The following AUTS2 variants were observed in gnomAD, a reference collection of about 807,000 sequenced individuals.
AUTS2 encodes the protein autism susceptibility gene 2 protein.
In AUTS2, 17 loss-of-function variants were observed where a neutral mutation model predicts 112.4. The observed-to-expected ratio is 0.15, with a 90% CI of 0.10 to 0.23. AUTS2 has a LOEUF of 0.23. Ranked by LOEUF, AUTS2 falls within the 10% of genes least tolerant of loss-of-function variation. The pLI is 1.00. For missense variants in AUTS2, 1,510 were observed against 1,701.6 expected (o/e 0.89, Z 1.98); for synonymous variants, 751 against 702.7 (o/e 1.07, Z -1.09).
intron 5 of AUTS2, among the ~76,000 whole-genome samples, chr7:70,499,417 C>G (rs1367475087): frequency 6.6e-6 from 1 of 152,174 alleles, no homozygotes; most frequent in African/African-American, 2.4e-5. Context: ...AGAGTGCAGT[C>G]CTCCAGGATG....
At chr7:69,997,590 C>CT (rs1799003796) in intron 2 of AUTS2, among the ~76,000 whole-genome samples, 1 of 152,080 alleles carries the variant, frequency 6.6e-6, no homozygotes, top group African/African-American at 2.4e-5. Flanking sequence ...TCGTGAAGGC[C>CT]TCAGGAAGTG....
chr7:70,558,563 T>C (rs544968218), intron 5 of AUTS2, among the ~76,000 whole-genome samples: 1 of 152,272 alleles, frequency 6.6e-6, no homozygotes, highest in African/African-American at 2.4e-5. Context: ...TGTGGGAAAC[T>C]TGTATGGAAG....
At chr7:70,117,104 GTTTT>G (rs61076536) in intron 2 of AUTS2, among the ~76,000 whole-genome samples, 4 of 78,460 alleles carry the variant, frequency 5.1e-5, no homozygotes, top group Non-Finnish European at 8.1e-5. Context: ...GATGACTTTT[GTTTT>G]TTTTTTTTGT....
intron 1 of AUTS2, among the ~76,000 whole-genome samples, chr7:69,634,188 C>G (rs2851492): frequency 6.6e-6 from 1 of 150,606 alleles, no homozygotes; most frequent in East Asian, 2.0e-4. Context: ...GGCGCAATCT[C>G]GGCTCACTGC....
chr7:70,531,563 T>C (rs1800092888), intron 5 of AUTS2, among the ~76,000 whole-genome samples: 1 of 152,094 alleles, frequency 6.6e-6, no homozygotes, highest in Admixed American at 6.6e-5. Context: ...TGTCATATGG[T>C]GAGAGACGGA....
At chr7:69,777,332 A>ATGGAAT (rs1188486499) in intron 1 of AUTS2, among the ~76,000 whole-genome samples, 1 of 152,170 alleles carries the variant, frequency 6.6e-6, no homozygotes, top group Non-Finnish European at 1.5e-5. Context: ...AGTTGTGTTA[A>ATGGAAT]TGGAATTGTT....
chr7:70,066,044 G>A (rs955601800), intron 2 of AUTS2, among the ~76,000 whole-genome samples: 13 of 152,148 alleles, frequency 8.5e-5, no homozygotes, highest in African/African-American at 3.1e-4. Context: ...TTGTGTGTTA[G>A]CAGCGATGTT....
intron 4 of AUTS2, among the ~76,000 whole-genome samples, chr7:70,269,190 A>G (rs931710545): frequency 6.6e-5 from 10 of 152,134 alleles, no homozygotes; most frequent in African/African-American, 2.4e-4. Context: ...GTTTCTATCA[A>G]TCCTCTTCTT....
At chr7:70,389,637 T>C (rs1793762409) in intron 4 of AUTS2, among the ~76,000 whole-genome samples, 2 of 152,152 alleles carry the variant, frequency 1.3e-5, no homozygotes, top group African/African-American at 4.8e-5. Flanking sequence ...TTTTTTTTCT[T>C]TATAGAAACA....
chr7:70,685,208 C>T (rs1156870829), intron 5 of AUTS2, among the ~76,000 whole-genome samples: 1 of 152,034 alleles, frequency 6.6e-6, no homozygotes. Context: ...TACAGTGGCT[C>T]ACACCTGTAA....
At chr7:69,941,242 C>A (rs1361225216) in intron 2 of AUTS2, among the ~76,000 whole-genome samples, 1 of 152,214 alleles carries the variant, frequency 6.6e-6, no homozygotes, top group Non-Finnish European at 1.5e-5. Flanking sequence ...GTGGGATGAT[C>A]TGACAGCGTC....
intron 4 of AUTS2, among the ~76,000 whole-genome samples, chr7:70,355,370 G>C (rs1791959163): frequency 6.6e-6 from 1 of 152,078 alleles, no homozygotes; most frequent in Non-Finnish European, 1.5e-5. Flanking sequence ...CAAAAGCAGG[G>C]CTAATGACAG....
chr7:70,558,165 C>T (rs1044042815), intron 5 of AUTS2, among the ~76,000 whole-genome samples: 1 of 152,074 alleles, frequency 6.6e-6, no homozygotes, highest in Non-Finnish European at 1.5e-5. Flanking sequence ...TGCACAGGGC[C>T]TGATTCTGAA....
At chr7:70,679,417 C>T (rs765938602) in intron 5 of AUTS2, among the ~76,000 whole-genome samples, 1 of 152,182 alleles carries the variant, frequency 6.6e-6, no homozygotes, top group Non-Finnish European at 1.5e-5. Context: ...TAATTTAAAA[C>T]TAAATCTTAT....
chr7:70,687,009 G>A (rs1808505605), intron 5 of AUTS2, among the ~76,000 whole-genome samples: 1 of 152,074 alleles, frequency 6.6e-6, no homozygotes, highest in Non-Finnish European at 1.5e-5. Context: ...TTCAGCTCAT[G>A]CAGACATTTT....
chr7:70,486,001 T>TAATA (rs71530002), intron 5 of AUTS2, among the ~76,000 whole-genome samples: 256 of 122,516 alleles, frequency 2.1e-3, no homozygotes, highest in South Asian at 6.7e-3. Context: ...AATAAATAAA[T>TAATA]AATAAATAAA....
chr7:70,013,707 T>C (rs1799903748), intron 2 of AUTS2, among the ~76,000 whole-genome samples: 1 of 152,182 alleles, frequency 6.6e-6, no homozygotes, highest in Non-Finnish European at 1.5e-5. Flanking sequence ...CTACCGTTAC[T>C]TATTCAGCAG....
intron 4 of AUTS2, among the ~76,000 whole-genome samples, chr7:70,164,401 A>G (rs1808274201): frequency 6.6e-6 from 1 of 152,112 alleles, no homozygotes; most frequent in South Asian, 2.1e-4. Context: ...ACTATGTTGT[A>G]TGTTTAGTCA....
chr7:69,726,909 G>A (rs756100478), intron 1 of AUTS2, among the ~76,000 whole-genome samples: 7 of 151,918 alleles, frequency 4.6e-5, no homozygotes, highest in Non-Finnish European at 1.0e-4. Context: ...ATATACTTTG[G>A]ATACAAGTCC....
Sources: allele counts gnomAD v4.1 joint callset (sites outside exome capture counted in the v4.1 genomes callset), GRCh38; gene constraint gnomAD v4.1.1; transcripts MANE v1.5; gene names NCBI Gene and HGNC (gene_info 2026-07-23, HGNC 2026-07-21).